Variants in CTNNA3 observed in about 807,000 individuals in gnomAD.
CTNNA3 encodes catenin alpha 3.
In CTNNA3, 76 loss-of-function variants were observed where a neutral mutation model predicts 95.7. The ratio of observed to expected loss-of-function variants is 0.79; its 90% CI spans 0.66 to 0.96. The LOEUF is 0.96. Among genes scored for constraint, CTNNA3 ranks in the 40% least tolerant of loss-of-function variants. The pLI is 0.00. For synonymous variants in CTNNA3, 431 were observed against 374.4 expected (o/e 1.15, Z -1.74); for missense variants, 1,191 against 1,089.8 (o/e 1.09, Z -1.31).
At chr10:67,653,251 G>A (rs1467311188) in intron 1 of CTNNA3, among the ~76,000 whole-genome samples, 1 of 152,118 alleles carries the variant, frequency 6.6e-6, no homozygotes, top group Non-Finnish European at 1.5e-5. Context: ...CTATCATGAG[G>A]ACAACACCAA....
chr10:66,974,190 T>C (rs891234696), intron 7 of CTNNA3, among the ~76,000 whole-genome samples: 4 of 152,304 alleles, frequency 2.6e-5, no homozygotes, highest in Admixed American at 2.6e-4. Flanking sequence ...AATCATTCAA[T>C]GTAGGTTTTT....
At chr10:65,948,015 C>G (rs570243330) in intron 17 of CTNNA3, among the ~76,000 whole-genome samples, 1 of 152,188 alleles carries the variant, frequency 6.6e-6, no homozygotes, top group Non-Finnish European at 1.5e-5. Flanking sequence ...CGGTGGCTTA[C>G]GCCTGTAATC....
intron 13 of CTNNA3, among the ~76,000 whole-genome samples, chr10:66,207,416 C>T (rs889331942): frequency 2.6e-5 from 4 of 151,748 alleles, no homozygotes; most frequent in Admixed American, 1.3e-4. Flanking sequence ...TTTCTTTTTG[C>T]CAAAGAAAAA....
chr10:66,532,365 G>A (rs1197995171), intron 10 of CTNNA3, among the ~76,000 whole-genome samples: 4 of 152,156 alleles, frequency 2.6e-5, no homozygotes, highest in South Asian at 2.1e-4. Flanking sequence ...GGGAGGCTGA[G>A]GCAGGAGAAT....
intron 7 of CTNNA3, among the ~76,000 whole-genome samples, chr10:66,850,361 T>G (rs1181301217): frequency 6.6e-6 from 1 of 152,106 alleles, no homozygotes; most frequent in East Asian, 1.9e-4. Flanking sequence ...ATTGTGAAGG[T>G]GGGGAGAGAC....
chr10:67,366,303 C>G (rs1305299900), intron 5 of CTNNA3, among the ~76,000 whole-genome samples: 1 of 152,032 alleles, frequency 6.6e-6, no homozygotes, highest in Non-Finnish European at 1.5e-5. Flanking sequence ...CACATGTATA[C>G]CTATGTAACA....
At chr10:67,668,193 A>G (rs1018807443) in intron 1 of CTNNA3, among the ~76,000 whole-genome samples, 1 of 152,152 alleles carries the variant, frequency 6.6e-6, no homozygotes, top group Non-Finnish European at 1.5e-5. Flanking sequence ...ATTAAAAAAA[A>G]TTAAGGATAA....
At chr10:67,712,397 C>A (rs528879271) in intron 1 of CTNNA3, among the ~76,000 whole-genome samples, 2 of 152,298 alleles carry the variant, frequency 1.3e-5, no homozygotes, top group Admixed American at 6.5e-5. Context: ...CCAAGGCATA[C>A]CAGAGGTCTC....
At chr10:66,435,331 T>A (rs2093329383) in intron 11 of CTNNA3, among the ~76,000 whole-genome samples, 2 of 152,166 alleles carry the variant, frequency 1.3e-5, no homozygotes, top group Non-Finnish European at 2.9e-5. Context: ...CAGATCTTGT[T>A]ATTGTTCTGT....
At chr10:66,089,069 A>G (rs2081109284) in intron 14 of CTNNA3, among the ~76,000 whole-genome samples, 1 of 151,474 alleles carries the variant, frequency 6.6e-6, no homozygotes, top group African/African-American at 2.4e-5. Context: ...TACCTTTTTT[A>G]TTTTGTATTC....
chr10:67,325,557 T>C (rs1056107654), intron 5 of CTNNA3, among the ~76,000 whole-genome samples: 1 of 152,198 alleles, frequency 6.6e-6, no homozygotes, highest in East Asian at 1.9e-4. Flanking sequence ...AATTTGTTAG[T>C]CTTGATTTCT....
At chr10:67,004,421 C>T (rs1191152693) in intron 7 of CTNNA3, among the ~76,000 whole-genome samples, 4 of 152,198 alleles carry the variant, frequency 2.6e-5, no homozygotes, top group South Asian at 4.1e-4. Context: ...AAAATGATGA[C>T]ACATGTAAGG....
intron 5 of CTNNA3, among the ~76,000 whole-genome samples, chr10:67,308,290 G>C (rs1445670667): frequency 6.6e-6 from 1 of 152,196 alleles, no homozygotes; most frequent in African/African-American, 2.4e-5. Flanking sequence ...GGACCCGGGG[G>C]GGAAGTAATT....
At chr10:66,358,483 T>C (rs1315817174) in intron 12 of CTNNA3, among the ~76,000 whole-genome samples, 4 of 152,172 alleles carry the variant, frequency 2.6e-5, no homozygotes, top group Admixed American at 2.0e-4. Flanking sequence ...AATGTTGTAG[T>C]TGACATCAGT....
chr10:67,731,866 TG>T (rs145979441), intron 1 of CTNNA3, among the ~76,000 whole-genome samples: 15,009 of 151,786 alleles, frequency 0.099, 1,153 homozygotes, highest in African/African-American at 0.21. Flanking sequence ...TTGTTGTTGT[TG>T]TTGTTTTGTT....
At chr10:66,884,393 T>C (rs1229051764) in intron 7 of CTNNA3, among the ~76,000 whole-genome samples, 1 of 152,034 alleles carries the variant, frequency 6.6e-6, no homozygotes, top group Non-Finnish European at 1.5e-5. Context: ...TATGGAGGAA[T>C]TGTATGATTT....
chr10:66,920,902 C>T (rs1203144781), intron 7 of CTNNA3, among the ~76,000 whole-genome samples: 1 of 152,170 alleles, frequency 6.6e-6, no homozygotes, highest in Non-Finnish European at 1.5e-5. Flanking sequence ...AACCAATGCT[C>T]ACCACTTCCA....
chr10:66,115,243 G>C (rs1407635460), intron 13 of CTNNA3, among the ~76,000 whole-genome samples: 1 of 152,112 alleles, frequency 6.6e-6, no homozygotes, highest in Non-Finnish European at 1.5e-5. Flanking sequence ...ATTGACAAGA[G>C]GAAAATTGCA....
intron 13 of CTNNA3, among the ~76,000 whole-genome samples, chr10:66,170,131 T>C (rs1302499380): frequency 6.6e-6 from 1 of 152,094 alleles, no homozygotes; most frequent in East Asian, 1.9e-4. Flanking sequence ...TGATGTTATC[T>C]TCTACAATTT....
Sources: gnomAD v4.1 joint callset for allele counts (sites outside exome capture counted in the v4.1 genomes callset) on GRCh38, gnomAD v4.1.1 for gene constraint, MANE v1.5 for transcripts, NCBI Gene and HGNC (gene_info 2026-07-23, HGNC 2026-07-21) for gene names.